Variants in TASP1 observed in about 807,000 individuals in gnomAD.
The protein encoded by TASP1 is threonine aspartase 1.
TASP1 carries 16 observed loss-of-function variants against 56.6 expected under a neutral mutation model. That is an observed-to-expected ratio of 0.28 (90% CI 0.19 to 0.43). The LOEUF (loss-of-function observed/expected upper bound fraction) is 0.43, where lower values mean the gene tolerates loss of function less well. TASP1 is among the 20% of genes least tolerant of loss of function. The probability of loss-of-function intolerance (pLI) is 1.00; values close to 1 mark genes in which losing one functional copy is unlikely to be tolerated. For synonymous variants in TASP1, 179 were observed against 184.2 expected, an observed-to-expected ratio of 0.97 and a Z score of 0.23; for missense variants, 393 against 511.6, an observed-to-expected ratio of 0.77 and a Z score of 2.24.
the TASP1 span, among the ~76,000 whole-genome samples, chr20:13,243,742 C>T: frequency 2.0e-5 from 3 of 152,202 alleles, no homozygotes; most frequent in African/African-American, 7.2e-5. Context: ...CACCGTTAAG[C>T]ATCTGTTTGC....
the TASP1 span, among the ~76,000 whole-genome samples, chr20:13,320,508 G>A: frequency 6.6e-6 from 1 of 152,132 alleles, no homozygotes; most frequent in African/African-American, 2.4e-5. Flanking sequence ...GCTTTAGAAA[G>A]ACCCAAATAT....
chr20:13,215,500 G>T, the TASP1 span, among the ~76,000 whole-genome samples: 4 of 152,178 alleles, frequency 2.6e-5, no homozygotes, highest in Non-Finnish European at 5.9e-5. Context: ...AACTATAAGG[G>T]TTGGCTATTT....
chr20:13,300,488 T>C, the TASP1 span: 18 of 152,310 alleles, frequency 1.2e-4, no homozygotes, highest in East Asian at 3.5e-3. Flanking sequence ...ATTATTTTTG[T>C]AAAGTATTTA....
chr20:13,138,998 C>A, the TASP1 span, among the ~76,000 whole-genome samples: 1 of 152,196 alleles, frequency 6.6e-6, no homozygotes, highest in Non-Finnish European at 1.5e-5. Flanking sequence ...TCAGCAGGCA[C>A]TGGGCAACAG....
At chr20:13,313,635 C>T in the TASP1 span, among the ~76,000 whole-genome samples, 1 of 152,170 alleles carries the variant, frequency 6.6e-6, no homozygotes, top group African/African-American at 2.4e-5. Context: ...TTTAATTTGT[C>T]TACATTTCTT....
chr20:13,599,239 T>A (rs1193775142), intron 4 of TASP1, among the ~76,000 whole-genome samples: 1 of 152,170 alleles, frequency 6.6e-6, no homozygotes, highest in Admixed American at 6.6e-5. Context: ...ATACGTTTAT[T>A]TCAGCACTAT....
intron 5 of TASP1, among the ~76,000 whole-genome samples, chr20:13,586,383 A>T (rs75525281): frequency 8.8e-4 from 134 of 152,262 alleles, no homozygotes; most frequent in Non-Finnish European, 1.2e-3. Flanking sequence ...CAAAACATGG[A>T]TCCATCTCAC....
the TASP1 span, among the ~76,000 whole-genome samples, chr20:13,124,236 C>T: frequency 6.6e-6 from 1 of 152,046 alleles, no homozygotes; most frequent in African/African-American, 2.4e-5. Flanking sequence ...TATCCTCCCT[C>T]CCCTCCTGGA....
intron 13 of TASP1, among the ~76,000 whole-genome samples, chr20:13,416,822 A>T (rs2042270562): frequency 6.6e-6 from 1 of 152,234 alleles, no homozygotes; most frequent in Non-Finnish European, 1.5e-5. Context: ...TCATGAGTCC[A>T]GGGAAGCAAA....
chr20:13,625,647 G>A (rs542893528), intron 2 of TASP1, among the ~76,000 whole-genome samples: 1 of 152,352 alleles, frequency 6.6e-6, no homozygotes, highest in Non-Finnish European at 1.5e-5. Context: ...CATTTGGGAA[G>A]TTACTGTTTC....
the TASP1 span, among the ~76,000 whole-genome samples, chr20:13,197,211 C>G: frequency 6.6e-6 from 1 of 152,244 alleles, no homozygotes; most frequent in Non-Finnish European, 1.5e-5. Context: ...TATGATAGTA[C>G]CATCAGAAAG....
the TASP1 span, among the ~76,000 whole-genome samples, chr20:13,372,269 T>G: frequency 6.6e-6 from 1 of 152,188 alleles, no homozygotes; most frequent in South Asian, 2.1e-4. Context: ...ATTGACAGCT[T>G]GAATGAATAA....
intron 11 of TASP1, among the ~76,000 whole-genome samples, chr20:13,464,988 T>C (rs537244859): frequency 4.1e-4 from 62 of 151,184 alleles, no homozygotes; most frequent in Non-Finnish European, 7.1e-4. Context: ...TATAGAGAGA[T>C]TCCATCTCTA....
chr20:13,360,745 G>A, the TASP1 span, among the ~76,000 whole-genome samples: 494 of 152,180 alleles, frequency 3.2e-3, 1 homozygote, highest in East Asian at 0.011. Flanking sequence ...TCCTTCAGCT[G>A]TACTCACTCC....
At chr20:13,406,130 T>G (rs1001292736) in intron 13 of TASP1, among the ~76,000 whole-genome samples, 1 of 152,182 alleles carries the variant, frequency 6.6e-6, no homozygotes, top group Non-Finnish European at 1.5e-5. Flanking sequence ...AACTCTGATC[T>G]TTTTTAAAGT....
chr20:13,420,849 C>G (rs559957608), intron 12 of TASP1, among the ~76,000 whole-genome samples: 1 of 152,228 alleles, frequency 6.6e-6, no homozygotes, highest in South Asian at 2.1e-4. Flanking sequence ...ATCACAAAGC[C>G]TGTGGTATTT....
chr20:13,600,445 AT>A (rs1466676883), intron 4 of TASP1: 5 of 152,192 alleles, frequency 3.3e-5, no homozygotes, highest in African/African-American at 1.2e-4. Context: ...GAAATGGTCA[AT>A]TTTTGCCAAA....
chr20:13,493,132 A>T (rs2043597095), intron 10 of TASP1, among the ~76,000 whole-genome samples: 1 of 151,916 alleles, frequency 6.6e-6, no homozygotes, highest in South Asian at 2.1e-4. Context: ...ACAGATTAAA[A>T]CCTTTTTGAA....
At chr20:13,583,337 A>G (rs1198286248) in intron 5 of TASP1, among the ~76,000 whole-genome samples, 5 of 152,326 alleles carry the variant, frequency 3.3e-5, no homozygotes, top group South Asian at 2.1e-4. Flanking sequence ...TGGGTAACCC[A>G]GCAACTTCTC....
Sources: allele counts gnomAD v4.1 joint callset (sites outside exome capture counted in the v4.1 genomes callset), GRCh38; gene constraint gnomAD v4.1.1; transcripts MANE v1.5; gene names NCBI Gene and HGNC (gene_info 2026-07-23, HGNC 2026-07-21).